The following ADAMTS9 variants were observed in gnomAD, a reference collection of about 807,000 sequenced individuals.
ADAMTS9 encodes ADAM metallopeptidase with thrombospondin type 1 motif 9.
A neutral mutation model predicts 257.1 loss-of-function variants in ADAMTS9; 107 were observed. The observed-to-expected ratio is 0.42, with a 90% confidence interval of 0.36 to 0.49. The LOEUF (loss-of-function observed/expected upper bound fraction) is 0.49, where lower values mean the gene tolerates loss of function less well. Among genes scored for constraint, ADAMTS9 ranks in the 20% least tolerant of loss-of-function variants. The pLI is 0.03. For synonymous variants in ADAMTS9, 982 were observed against 880.9 expected, an observed-to-expected ratio of 1.11 and a Z score of -2.03; for missense variants, 2,353 against 2,469.1, an observed-to-expected ratio of 0.95 and a Z score of 1.00.
At chr3:64,641,079 T>C (rs1700624074) in intron 12 of ADAMTS9, among the ~76,000 whole-genome samples, 1 of 151,868 alleles carries the variant, frequency 6.6e-6, no homozygotes, top group Admixed American at 6.6e-5. Flanking sequence ...CAGAACACAT[T>C]ATTGGTGGGA....
chr3:64,661,567 T>C (rs1185556936), intron 3 of ADAMTS9, among the ~76,000 whole-genome samples: 1 of 152,210 alleles, frequency 6.6e-6, no homozygotes, highest in Non-Finnish European at 1.5e-5. Flanking sequence ...GTCGTAGATT[T>C]GCTCAATTCC....
chr3:64,636,796 A>G (rs889096717), intron 12 of ADAMTS9, among the ~76,000 whole-genome samples: 1 of 152,232 alleles, frequency 6.6e-6, no homozygotes, highest in East Asian at 1.9e-4. Flanking sequence ...GTTTCTTCGT[A>G]TATCAGTAAG....
intron 39 of ADAMTS9, among the ~76,000 whole-genome samples, chr3:64,518,469 G>C (rs550737098): frequency 1.3e-5 from 2 of 152,090 alleles, no homozygotes; most frequent in South Asian, 4.1e-4. Context: ...GACCAGTTCC[G>C]TCTTTTACTC....
At chr3:64,569,281 G>C (rs767263342) in intron 28 of ADAMTS9, among the ~76,000 whole-genome samples, 3 of 152,174 alleles carry the variant, frequency 2.0e-5, no homozygotes, top group Non-Finnish European at 4.4e-5. Context: ...AAACAGGCAA[G>C]AGGCTGGCCC....
At chr3:64,535,506 C>T (rs1389105110) in intron 37 of ADAMTS9, among the ~76,000 whole-genome samples, 2 of 149,342 alleles carry the variant, frequency 1.3e-5, no homozygotes, top group Non-Finnish European at 3.0e-5. Flanking sequence ...ACACCGGATT[C>T]TGTATGTTGC....
intron 12 of ADAMTS9, 47 bp from the exon 13 acceptor site, chr3:64,633,926 A>G: frequency 6.6e-7 from 1 of 1,513,858 alleles, no homozygotes; most frequent in Non-Finnish European, 9.0e-7. Context: ...ATTATCATGT[A>G]TTCCTCTGAA....
chr3:64,673,730 ATAT>A (rs1408899875), intron 3 of ADAMTS9, among the ~76,000 whole-genome samples: 1 of 152,068 alleles, frequency 6.6e-6, no homozygotes, highest in Admixed American at 6.6e-5. Context: ...AATATTAATA[ATAT>A]TATAGTTACT....
chr3:64,680,645 A>G (rs149048091), intron 3 of ADAMTS9, among the ~76,000 whole-genome samples: 46 of 152,306 alleles, frequency 3.0e-4, no homozygotes, highest in African/African-American at 1.1e-3. Context: ...GTTGATTGGT[A>G]CCTCACAGCA....
At chr3:64,560,604 C>T (rs1380989779) in intron 30 of ADAMTS9, among the ~76,000 whole-genome samples, 2 of 151,988 alleles carry the variant, frequency 1.3e-5, no homozygotes, top group African/African-American at 4.8e-5. Flanking sequence ...AGTTTTTTCA[C>T]CTGCAAAATG....
intron 31 of ADAMTS9, among the ~76,000 whole-genome samples, chr3:64,549,288 A>G (rs1173188589): frequency 6.6e-6 from 1 of 152,086 alleles, no homozygotes; most frequent in African/African-American, 2.4e-5. Flanking sequence ...TCCCTGTTTC[A>G]TCTTTTGGGG....
At chr3:64,640,470 T>G (rs1700610280) in intron 12 of ADAMTS9, among the ~76,000 whole-genome samples, 1 of 152,230 alleles carries the variant, frequency 6.6e-6, no homozygotes, top group Admixed American at 6.5e-5. Flanking sequence ...CCCAGCCTAC[T>G]TAGTTCCTTT....
At chr3:64,601,312 A>C (rs2084456337) in intron 26 of ADAMTS9, among the ~76,000 whole-genome samples, 1 of 152,208 alleles carries the variant, frequency 6.6e-6, no homozygotes, top group Non-Finnish European at 1.5e-5. Context: ...ACAGATAAGA[A>C]AACTGAGGCT....
chr3:64,612,804 C>A (rs541319534), intron 22 of ADAMTS9, among the ~76,000 whole-genome samples: 2 of 152,266 alleles, frequency 1.3e-5, no homozygotes, highest in South Asian at 4.1e-4. Flanking sequence ...CAAGTTAAGA[C>A]TGTGGAACCT....
intron 3 of ADAMTS9, among the ~76,000 whole-genome samples, chr3:64,660,854 C>G (rs1432985284): frequency 2.0e-5 from 3 of 152,096 alleles, no homozygotes; most frequent in South Asian, 2.1e-4. Flanking sequence ...TTGTTAAGGT[C>G]TATGATAAGA....
At chr3:64,630,376 C>T (rs1700337948) in intron 16 of ADAMTS9, among the ~76,000 whole-genome samples, 1 of 152,060 alleles carries the variant, frequency 6.6e-6, no homozygotes, top group African/African-American at 2.4e-5. Context: ...CCAGCCTGGG[C>T]AACATAGTGA....
intron 3 of ADAMTS9, among the ~76,000 whole-genome samples, chr3:64,664,588 T>C (rs1050250602): frequency 3.9e-5 from 6 of 152,206 alleles, no homozygotes; most frequent in Admixed American, 6.5e-5. Flanking sequence ...TTCGTCTATG[T>C]TGTAGCATGC....
chr3:64,554,728 G>A (rs2083309403), intron 30 of ADAMTS9, among the ~76,000 whole-genome samples: 1 of 152,112 alleles, frequency 6.6e-6, no homozygotes, highest in Admixed American at 6.5e-5. Flanking sequence ...TCACAGTGCT[G>A]GACTAAATCG....
At chr3:64,541,763 A>C in intron 33 of ADAMTS9, 75 bp downstream of exon 33, 1 of 1,584,468 alleles carries the variant, frequency 6.3e-7, no homozygotes, top group Non-Finnish European at 8.6e-7. Context: ...ATTTCTAAAA[A>C]GGGCAGGCAA....
chr3:64,577,408 T>C (rs1047923155), intron 28 of ADAMTS9, among the ~76,000 whole-genome samples: 1 of 152,186 alleles, frequency 6.6e-6, no homozygotes, highest in African/African-American at 2.4e-5. Flanking sequence ...GATGTTCACA[T>C]TTTTCAAGAA....
Sources: allele counts gnomAD v4.1 joint callset (sites outside exome capture counted in the v4.1 genomes callset), GRCh38; gene constraint gnomAD v4.1.1; transcripts MANE v1.5; gene names NCBI Gene and HGNC (gene_info 2026-07-23, HGNC 2026-07-21).